HMGXB4: variants seen among roughly 807,000 people sequenced by gnomAD.
HMGXB4 encodes HMG-box containing 4, also known as HMG domain-containing protein 4.
A neutral mutation model predicts 63.9 loss-of-function variants in HMGXB4; 27 were observed. The observed-to-expected ratio is 0.42, with a 90% confidence interval of 0.31 to 0.58. HMGXB4 has a LOEUF of 0.58. Among genes scored for constraint, HMGXB4 ranks in the 20% least tolerant of loss-of-function variants. The pLI, the probability that HMGXB4 is intolerant of heterozygous loss-of-function variation, is 0.13. For missense variants in HMGXB4, 624 were observed against 700.7 expected (o/e 0.89, Z 1.24); for synonymous variants, 264 against 265.3 (o/e 0.99, Z 0.05).
the HMGXB4 span, among the ~76,000 whole-genome samples, chr22:35,250,846 G>T: frequency 2.6e-5 from 4 of 152,086 alleles, no homozygotes; most frequent in African/African-American, 9.7e-5. Context: ...CACATGGCTT[G>T]GGGCAGCCCC....
At chr22:35,249,017 A>G in the HMGXB4 span, among the ~76,000 whole-genome samples, 1 of 152,136 alleles carries the variant, frequency 6.6e-6, no homozygotes, top group Admixed American at 6.5e-5. Flanking sequence ...TAGACTTTAT[A>G]AACACTATAC....
At chr22:35,279,677 C>CTTTTTTT (rs35564206) in intron 5 of HMGXB4, among the ~76,000 whole-genome samples, 5 of 55,164 alleles carry the variant, frequency 9.1e-5, no homozygotes, top group African/African-American at 2.7e-4. Flanking sequence ...GTCTAGATTC[C>CTTTTTTT]TTTTTTTTTT....
the HMGXB4 span, among the ~76,000 whole-genome samples, chr22:35,247,888 TAAC>T: frequency 2.6e-5 from 4 of 152,286 alleles, no homozygotes; most frequent in African/African-American, 9.6e-5. Flanking sequence ...ATGTGTCATT[TAAC>T]AACAGGGATA....
At chr22:35,253,149 A>AAAGAAAAG (rs987699030), upstream of HMGXB4, among the ~76,000 whole-genome samples, 1 of 151,532 alleles carries the variant, frequency 6.6e-6, no homozygotes, top group African/African-American at 2.4e-5. Context: ...AAAAAAAAAA[A>AAAGAAAAG]AGAAAAAAGT....
intron 1 of HMGXB4, chr22:35,261,885 G>A (rs1266470555): frequency 1.3e-5 from 2 of 154,480 alleles, no homozygotes; most frequent in Non-Finnish European, 2.9e-5. Flanking sequence ...CACCAATCCA[G>A]TTGGTAGGAT....
intron 5 of HMGXB4, among the ~76,000 whole-genome samples, chr22:35,280,985 C>T (rs1404933102): frequency 6.6e-6 from 1 of 152,240 alleles, no homozygotes; most frequent in Non-Finnish European, 1.5e-5. Context: ...ACATATTTAA[C>T]TGCCTCATTT....
chr22:35,241,587 C>T, the HMGXB4 span, among the ~76,000 whole-genome samples: 44 of 152,316 alleles, frequency 2.9e-4, no homozygotes, highest in African/African-American at 1.0e-3. Context: ...CCACTGAGCT[C>T]CCAGGGCCTC....
intron 5 of HMGXB4, among the ~76,000 whole-genome samples, chr22:35,277,639 C>T (rs756888392): frequency 6.6e-6 from 1 of 152,198 alleles, no homozygotes; most frequent in South Asian, 2.1e-4. Flanking sequence ...TGAGCCACTG[C>T]GCCCAGCCAA....
rs1924713287 is a variant in HMGXB4 at position 35,288,263 on chromosome 22, C to T, written c.1494C>T (p.Pro498=). ...VKASSVGVLS[P]QKKSPPTTML... is the part of the protein sequence containing the mutation. ...CCTCTTCTGTAGGAGTACTGTCACC[C>T]CAGAAGAAGTCCCCACCCACCACCA... Residue 498 remains proline (P), a synonymous_variant, in exon 9 of 11, where the codon CCC becomes CCT. Coordinates refer to ENST00000216106, the MANE Select transcript of HMGXB4 (RefSeq NM_001003681.3). 6.3e-7 allele frequency: 1 copy of T among 1,593,970 alleles called. No individual in the cohort carries two copies. The highest frequency in any genetic ancestry group is 1.3e-5 in the African/African-American group (1 of 74,238).
At chr22:35,242,079 C>G in the HMGXB4 span, among the ~76,000 whole-genome samples, 1 of 152,140 alleles carries the variant, frequency 6.6e-6, no homozygotes, top group Non-Finnish European at 1.5e-5. Flanking sequence ...ATAAAATAGA[C>G]TTGAAAGTGT....
At chr22:35,265,797 T>A (rs1317651733) in intron 5 of HMGXB4, among the ~76,000 whole-genome samples, 194 bp downstream of exon 5, 1 of 151,652 alleles carries the variant, frequency 6.6e-6, no homozygotes, top group East Asian at 1.9e-4. Flanking sequence ...ATCTTTTTTT[T>A]TTTTTTTGAG....
intron 1 of HMGXB4, among the ~76,000 whole-genome samples, chr22:35,259,315 T>C (rs1922685799): frequency 6.6e-6 from 1 of 152,240 alleles, no homozygotes; most frequent in Non-Finnish European, 1.5e-5. Context: ...TTCTTGCCTC[T>C]TGGAGTTGAC....
chr22:35,262,146 A>G (rs988723809), intron 1 of HMGXB4, 177 bp from the exon 2 acceptor site: 17 of 501,990 alleles, frequency 3.4e-5, no homozygotes, highest in African/African-American at 2.7e-4. Flanking sequence ...AGCCTAGTAT[A>G]CTTCCTGCAG....
At chr22:35,270,219 C>T (rs1923523693) in intron 5 of HMGXB4, among the ~76,000 whole-genome samples, 1 of 152,148 alleles carries the variant, frequency 6.6e-6, no homozygotes, top group Admixed American at 6.5e-5. Context: ...GCTCACATTA[C>T]TGCCTGAGCT....
At chr22:35,245,555 C>T in the HMGXB4 span, among the ~76,000 whole-genome samples, 1 of 151,558 alleles carries the variant, frequency 6.6e-6, no homozygotes, top group Admixed American at 6.6e-5. Context: ...TATCAATTGT[C>T]TTCTTTCATT....
intron 9 of HMGXB4, among the ~76,000 whole-genome samples, chr22:35,290,825 C>T (rs1474538030): frequency 2.6e-5 from 4 of 151,926 alleles, no homozygotes; most frequent in Non-Finnish European, 5.9e-5. Flanking sequence ...TTTACAGTGA[C>T]ATTCATGACA....
chr22:35,285,878 A>G (rs1343432764), intron 6 of HMGXB4, 119 bp from the exon 7 acceptor site: 2 of 696,514 alleles, frequency 2.9e-6, no homozygotes, highest in East Asian at 5.5e-5. Context: ...TTCTGAAAGC[A>G]TCTTGCAACA....
chr22:35,263,538 C>T (rs1364976784), intron 3 of HMGXB4, among the ~76,000 whole-genome samples: 3 of 152,152 alleles, frequency 2.0e-5, no homozygotes, highest in Non-Finnish European at 2.9e-5. Flanking sequence ...CTGCCTCCGC[C>T]TCCCAAAGTG....
chr22:35,286,491 C>G (rs140817836), intron 7 of HMGXB4, among the ~76,000 whole-genome samples: 365 of 152,314 alleles, frequency 2.4e-3, no homozygotes, highest in Non-Finnish European at 4.0e-3. Flanking sequence ...TCAAGGTCAT[C>G]ATCCTCATCA....
Sources: gnomAD v4.1 joint callset for allele counts (sites outside exome capture counted in the v4.1 genomes callset) on GRCh38, gnomAD v4.1.1 for gene constraint, MANE v1.5 for transcripts, NCBI Gene and HGNC (gene_info 2026-07-23, HGNC 2026-07-21) for gene names.